Variants in MAPK7 observed in about 807,000 individuals in gnomAD.
MAPK7 encodes BMK-1.
MAPK7 carries 30 observed loss-of-function variants against 56.9 expected under a neutral mutation model. The observed-to-expected ratio is 0.53, with a 90% CI of 0.39 to 0.72. The LOEUF is 0.72. MAPK7 is among the 30% of genes least tolerant of loss of function. The pLI is 0.00. For synonymous variants in MAPK7, 516 were observed against 449.3 expected (o/e 1.15, Z -1.88); for missense variants, 952 against 1,110.8 (o/e 0.86, Z 2.03).
chr17:19,381,513 C>T lies in MAPK7; in HGVS notation c.1304C>T (p.Pro435Leu). Reference protein sequence around the residue: ...PSGDCAMESPPPAPPPCPGPA... With the variant: ...PSGDCAMESPLPAPPPCPGPA... ...GGGGACTGTGCCATGGAGTCTCCAC[C>T]ACCAGCCCCGCCACCATGCCCCGGC... The change falls in exon 4 of 7, where the codon CCA (proline) becomes CTA (leucine). Residue 435 changes from proline (P) to leucine (L), a missense_variant. Around this residue, in one of 5 missense-constraint regions of MAPK7, gnomAD observed 429 missense variants for 533.0 expected, o/e 0.80. Coordinates refer to ENST00000395604, the MANE Select transcript of MAPK7 (RefSeq NM_002749.4). This position sits in a 1 kb window ranked among gnomAD's most constrained non-coding sequence, Gnocchi z 4.6. 1 of 1,613,698 alleles carries T rather than the reference C, an allele frequency of 6.2e-7. No homozygotes were observed. Among genetic ancestry groups the T allele is most frequent in the Non-Finnish European group, 8.5e-7 (1 of 1,179,908 alleles).
In MAPK7 at chr17:19,380,652, T is replaced by A; in HGVS notation, c.443T>A (p.Ile148Asn). ...DLMESDLHQI[I>N]HSSQPLTLEH... ...ATGGAAAGCGACCTGCACCAGATCA[T>A]CCACTCCTCACAGCCCCTCACACTG... is the stretch of plus-strand genomic sequence containing the variant. The change falls in exon 4 of 7, where the codon ATC becomes AAC. Residue 148 changes from isoleucine (I) to asparagine (N), a missense_variant. By Grantham distance (149) the Ile-to-Asn change is moderately radical. Around this residue, in one of 5 missense-constraint regions of MAPK7, gnomAD observed 213 missense variants for 243.2 expected, o/e 0.88. Coordinates refer to ENST00000395604, the MANE Select transcript of MAPK7 (RefSeq NM_002749.4). 1 of 1,612,206 alleles carries A rather than the reference T, an allele frequency of 6.2e-7. No homozygotes were observed. Among genetic ancestry groups the A allele is most frequent in the Non-Finnish European group, 8.5e-7 (1 of 1,178,498 alleles).
rs754097228 is a variant in MAPK7 at position 19,380,683 on chromosome 17, C to T, written c.474C>T (p.His158=). 2.3e-5 allele frequency: 37 copies of T among 1,614,044 alleles called. No homozygotes were observed. Among genetic ancestry groups the T allele is most frequent in the South Asian group, 1.9e-4 (17 of 91,086 alleles). ...IHSSQPLTLE[H]VRYFLYQLLR... The stretch of plus-strand genomic sequence containing the variant: ...CCTCACAGCCCCTCACACTGGAACA[C>T]GTGCGCTACTTCCTGTACCAACTGC... The change falls in exon 4 of 7, where the codon CAC becomes CAT. Residue 158 remains histidine, a synonymous_variant. Transcript: ENST00000395604.
rs1912596394 is a variant in MAPK7, at chr17:19,380,919, A to G, written c.710A>G (p.His237Arg). Residue 237 changes from histidine (H) to arginine (R), a missense_variant, in exon 4 of 7, where the codon CAT (histidine) becomes CGT (arginine). Physicochemically the swap from His to Arg is conservative, Grantham distance 29. Around this residue, in one of 5 missense-constraint regions of MAPK7, gnomAD observed 429 missense variants for 533.0 expected, o/e 0.80. Transcript: ENST00000395604. ...GCGCCCGAGCTCATGCTCTCTTTGCATGAGTATACACAGGCTATTGACCTC... is the reference window on the plus strand; with the variant it reads ...GCGCCCGAGCTCATGCTCTCTTTGCGTGAGTATACACAGGCTATTGACCTC... ...YRAPELMLSL[H>R]EYTQAIDLWS... 1 of 1,614,166 alleles carries G rather than the reference A, an allele frequency of 6.2e-7. No individual in the cohort carries two copies. The highest frequency in any genetic ancestry group is 8.5e-7 in the Non-Finnish European group (1 of 1,180,030).
upstream of MAPK7, chr17:19,378,494 G>C (rs779323560): frequency 3.8e-4 from 401 of 1,057,974 alleles, no homozygotes; most frequent in Admixed American, 5.6e-4. This position sits in a 1 kb window ranked among gnomAD's most constrained non-coding sequence, Gnocchi z 5.4. Context: ...GGAGGGGGAC[G>C]GACAGGGCAG....
At chr17:19,382,969 C>T (rs1912851427) in intron 6 of MAPK7, 23 bp downstream of exon 6, 1 of 1,613,944 alleles carries the variant, frequency 6.2e-7, no homozygotes. Flanking sequence ...GACTGAGCTC[C>T]TAGACTGGGA....
At position 19,382,191 on chromosome 17, in the gene MAPK7, C is replaced by G. The variant is rs748539235; in HGVS notation, c.1888C>G (p.Gln630Glu). Residue 630 changes from glutamine (Q) to glutamate (E), a missense_variant, in exon 5 of 7, where the codon CAG becomes GAG. By Grantham distance (29) the Gln-to-Glu change is conservative (BLOSUM62 2). Transcript: ENST00000395604. ...SAGSTSGPVPQPACPPPGPAP... is the reference protein window; with the variant it reads ...SAGSTSGPVPEPACPPPGPAP... Reference sequence around the variant, plus strand: ...GGGCTCTACCTCTGGCCCTGTACCCCAGCCTGCCTGCCCACCCCCTGGCCC... The same window carrying G: ...GGGCTCTACCTCTGGCCCTGTACCCGAGCCTGCCTGCCCACCCCCTGGCCC... 5 of 1,612,352 alleles carry G rather than the reference C, an allele frequency of 3.1e-6. No individual in the cohort carries two copies. The African/African-American group carries it at 5.3e-5, about 17-fold the overall frequency.
rs763816343 is a variant in MAPK7 at position 19,382,212 on chromosome 17, G to A, written c.1909G>A (p.Gly637Ser). ...PVPQPACPPP[G>S]PAPHPTGPPG... ...ACCCCAGCCTGCCTGCCCACCCCCT[G>A]GCCCTGCACCCCACCCCACTGGCCC... The change falls in exon 5 of 7, where the codon GGC becomes AGC. Residue 637 changes from glycine to serine, a missense_variant. Around this residue, in one of 5 missense-constraint regions of MAPK7, gnomAD observed 234 missense variants for 210.4 expected, o/e 1.11. Transcript: ENST00000395604. 1.3e-6 allele frequency: 2 copies of A among 1,591,396 alleles called. No homozygotes were observed. The highest frequency in any genetic ancestry group is 1.7e-6 in the Non-Finnish European group (2 of 1,171,612).
Position 19,381,554 on chromosome 17 carries a change from A to G in MAPK7, c.1345A>G (p.Ile449Val). The stretch of plus-strand genomic sequence containing the variant: ...ATGCCCCGGCCCTGCACCTGACACC[A>G]TTGATCTGACCCTGCAGCCACCTCC... ...PPCPGPAPDT[I>V]DLTLQPPPPV... is the part of the protein sequence containing the mutation. Residue 449 changes from isoleucine to valine, a missense_variant, in exon 4 of 7, where the codon ATT (isoleucine) becomes GTT (valine). By Grantham distance (29) the Ile-to-Val change is conservative. Transcript: ENST00000395604. The surrounding 1 kb of genome is among the most constrained non-coding windows in gnomAD (Gnocchi z 4.6). The G allele has an allele frequency of 1.9e-6, 3 of 1,613,608 alleles. No individual in the cohort carries two copies. Among genetic ancestry groups the G allele is most frequent in the Non-Finnish European group, 2.5e-6 (3 of 1,179,940 alleles).
chr17:19,382,244 G>A lies in MAPK7; in HGVS notation c.1941G>A (p.Gly647=). The change falls in exon 5 of 7, where the codon GGG becomes GGA. Residue 647 remains glycine (G), a synonymous_variant. Coordinates refer to ENST00000395604, the MANE Select transcript of MAPK7 (RefSeq NM_002749.4). ...CACCCCACCCCACTGGCCCTCCTGG[G>A]CCCATCCCTGTCCCCGCGCCACCCC... ...GPAPHPTGPP[G]PIPVPAPPQI... The A allele has an allele frequency of 6.2e-7, 1 of 1,611,904 alleles. No homozygotes were observed. The highest frequency in any genetic ancestry group is 8.5e-7 in the Non-Finnish European group (1 of 1,179,580).
chr17:19,378,925 G>T lies in MAPK7; in HGVS notation c.25G>T (p.Asp9Tyr). 6.3e-7 allele frequency: 1 copy of T among 1,580,882 alleles called. No homozygotes were observed. The highest frequency in any genetic ancestry group is 8.6e-7 in the Non-Finnish European group (1 of 1,162,770). MAEPLKEE[D>Y]GEDGSAEPPG... ...CATGGCCGAGCCTCTGAAGGAGGAA[G>T]ACGGCGAGGACGGCTCTGCGGAGCC... The change falls in exon 2 of 7, where the codon GAC becomes TAC. Residue 9 changes from aspartate (D) to tyrosine (Y), a missense_variant. Physicochemically the swap from Asp to Tyr is radical, Grantham distance 160 (BLOSUM62 -3). This residue lies in a region of MAPK7 where 213 missense variants were observed against 243.2 expected (regional missense o/e 0.88). Transcript: ENST00000395604. This position sits in a 1 kb window ranked among gnomAD's most constrained non-coding sequence, Gnocchi z 5.4.
chr17:19,380,052 C>T, intron 3 of MAPK7, 105 bp downstream of exon 3: 4 of 1,342,894 alleles, frequency 3.0e-6, no homozygotes, highest in Non-Finnish European at 4.1e-6. Context: ...CTGAAGCAGG[C>T]TGGGAAAATT....
intron 5 of MAPK7, 151 bp downstream of exon 5, chr17:19,382,617 A>G (rs1025572654): frequency 1.4e-6 from 2 of 1,471,220 alleles, no homozygotes; most frequent in South Asian, 1.4e-5. Context: ...CATAATGGCA[A>G]TGAAGAGGTT....
Position 19,382,435 on chromosome 17 carries a change from A to G in MAPK7, c.2132A>G (p.Asn711Ser), listed in dbSNP as rs781457886. The stretch of plus-strand genomic sequence containing the variant: ...TCCATGTCAGAGTCACCTGATGTCA[A>G]CCTTGTGACCCAGCAGCTATCTAAG... ...QSSMSESPDV[N>S]LVTQQLSKSQ... Residue 711 changes from asparagine (N) to serine (S), a missense_variant, in exon 5 of 7, where the codon AAC (asparagine) becomes AGC (serine). Physicochemically the swap from Asn to Ser is conservative, Grantham distance 46. Around this residue, in one of 5 missense-constraint regions of MAPK7, gnomAD observed 234 missense variants for 210.4 expected, o/e 1.11. Coordinates refer to ENST00000395604, the MANE Select transcript of MAPK7 (RefSeq NM_002749.4). The G allele has an allele frequency of 2.5e-6, 4 of 1,606,346 alleles. No homozygotes were observed. In the Admixed American group the frequency reaches 5.1e-5, roughly 20 times the overall value.
chr17:19,379,593 G>A (rs1912462031), intron 2 of MAPK7, 189 bp from the exon 3 acceptor site: 3 of 603,270 alleles, frequency 5.0e-6, no homozygotes, highest in South Asian at 4.1e-5. Flanking sequence ...TGCCCCGCAG[G>A]GGAGTTGTGA....
chr17:19,382,081 C>T lies in MAPK7; in HGVS notation c.1778C>T (p.Pro593Leu). Residue 593 changes from proline (P) to leucine (L), a missense_variant, in exon 5 of 7, where the codon CCA (proline) becomes CTA (leucine). Around this residue, in one of 5 missense-constraint regions of MAPK7, gnomAD observed 234 missense variants for 210.4 expected, o/e 1.11. Transcript: ENST00000395604. ...TCTGTGCCGGCCCCTGCCCCAGCGC[C>T]AACGCCAACCCCAACCCCAGTCCAA... ...LTSVPAPAPA[P>L]TPTPTPVQPT... 2 of 1,604,466 alleles carry T rather than the reference C, an allele frequency of 1.2e-6. No homozygotes were observed. Among genetic ancestry groups the T allele is most frequent in the Non-Finnish European group, 1.7e-6 (2 of 1,176,056 alleles).
chr17:19,378,438 G>T, upstream of MAPK7: 2 of 1,012,170 alleles, frequency 2.0e-6, no homozygotes, highest in South Asian at 7.8e-5. The surrounding 1 kb of genome is among the most constrained non-coding windows in gnomAD (Gnocchi z 5.4). Flanking sequence ...CAGTAGCTCA[G>T]CGATTGGCCA....
Position 19,381,823 on chromosome 17 carries a change from C to T in MAPK7, c.1520C>T (p.Pro507Leu), listed in dbSNP as rs1399843610. The T allele has an allele frequency of 7.6e-6, 12 of 1,572,038 alleles. No homozygotes were observed. Among genetic ancestry groups the T allele is most frequent in the African/African-American group, 4.1e-5 (3 of 73,526 alleles). Residue 507 changes from proline to leucine, a missense_variant, in exon 5 of 7, where the codon CCG (proline) becomes CTG (leucine). Pro to Leu is a moderately conservative substitution (Grantham distance 98). Around this residue, in one of 5 missense-constraint regions of MAPK7, gnomAD observed 429 missense variants for 533.0 expected, o/e 0.80. Coordinates refer to ENST00000395604, the MANE Select transcript of MAPK7 (RefSeq NM_002749.4). The surrounding 1 kb of genome is among the most constrained non-coding windows in gnomAD (Gnocchi z 4.6). Reference protein sequence around the residue: ...APLEAPEPRKPVTAQERQRER... With the variant: ...APLEAPEPRKLVTAQERQRER... ...CTGGAGGCTCCTGAGCCTCGGAAGC[C>T]GGTGACAGCCCAGGAGCGCCAGCGG... is the stretch of plus-strand genomic sequence containing the variant.
Position 19,381,678 on chromosome 17 carries a change from G to A in MAPK7, c.1469G>A (p.Arg490Gln), listed in dbSNP as rs1354671217. ...GCCCTGCTCAAGTCTTTGAGGAGCC[G>A]GCTCAGAGGTGCCTTGTGGGCAGGT... is the stretch of plus-strand genomic sequence containing the variant. ...KAALLKSLRS[R>Q]LRDGPSAPLE... Residue 490 changes from arginine (R) to glutamine (Q), a missense_variant, in exon 4 of 7, where the codon CGG becomes CAG. Arg to Gln is a conservative substitution (Grantham distance 43). Coordinates refer to ENST00000395604, the MANE Select transcript of MAPK7 (RefSeq NM_002749.4). This position sits in a 1 kb window ranked among gnomAD's most constrained non-coding sequence, Gnocchi z 4.6. The A allele has an allele frequency of 3.2e-6, 5 of 1,585,942 alleles. No individual in the cohort carries two copies. Among genetic ancestry groups the A allele is most frequent in the Non-Finnish European group, 3.4e-6 (4 of 1,165,810 alleles).
rs1912565648 is a variant in MAPK7 at position 19,380,594 on chromosome 17, C to T, written c.399-14C>T. 1.3e-6 allele frequency: 2 copies of T among 1,579,744 alleles called. No homozygotes were observed. The highest frequency in any genetic ancestry group is 2.7e-5 in the African/African-American group (2 of 74,604). ...CAGGCCAACCCATGCTTCTCTCCTT[C>T]CTTCCCCTTCCAGCTACGTGGTCCT... On this transcript the variant is annotated splice_polypyrimidine_tract_variant and intron_variant, in intron 3 of 6. Coordinates refer to ENST00000395604, the MANE Select transcript of MAPK7 (RefSeq NM_002749.4).
Sources: allele counts gnomAD v4.1 joint callset, GRCh38; gene constraint gnomAD v4.1.1; regional missense constraint gnomAD v4.1.1; non-coding constraint Gnocchi (gnomAD v3.1); transcripts MANE v1.5; gene names NCBI Gene and HGNC (gene_info 2026-07-23, HGNC 2026-07-21).